NIBAN2: variants seen among roughly 807,000 people sequenced by gnomAD.
The protein encoded by NIBAN2 is niban apoptosis regulator 2, also known as protein Niban 2.
In NIBAN2, 36 loss-of-function variants were observed where a neutral mutation model predicts 81.8. That is an observed-to-expected ratio of 0.44 (90% CI 0.34 to 0.58). NIBAN2 has a LOEUF of 0.58. Ranked by LOEUF, NIBAN2 falls within the 20% of genes least tolerant of loss-of-function variation. The pLI, the probability that NIBAN2 is intolerant of heterozygous loss-of-function variation, is 0.02. For synonymous variants in NIBAN2, 445 were observed against 441.6 expected (o/e 1.01, Z -0.10); for missense variants, 897 against 1,014.1 (o/e 0.88, Z 1.57).
At chr9:127,567,920 G>T (rs966213501) in intron 1 of NIBAN2, among the ~76,000 whole-genome samples, 3 of 152,166 alleles carry the variant, frequency 2.0e-5, no homozygotes, top group African/African-American at 7.2e-5. Flanking sequence ...CAAATGCTGG[G>T]ATTCCACCCA....
chr9:127,533,142 A>C (rs1408781951), intron 1 of NIBAN2, among the ~76,000 whole-genome samples: 1 of 151,984 alleles, frequency 6.6e-6, no homozygotes, highest in Non-Finnish European at 1.5e-5. Context: ...TGGGTGACAG[A>C]GCAAGACTCT....
rs189744840 is a variant in NIBAN2, at chr9:127,567,645, C to T, written c.55+1175G>A. ...TCAGGGCTTCCTGCTCTCAAGGGAG[C>T]GTGGAGAACACGGTGGTGAAATTCT... On this transcript the variant is annotated intron_variant, in intron 1 of 13. Coordinates refer to ENST00000373312, the MANE Select transcript of NIBAN2 (RefSeq NM_022833.4). Among the ~76,000 whole-genome samples the T allele has an allele frequency of 1.6e-3, 243 of 152,248 alleles. 1 individual carries two copies. The highest frequency in any genetic ancestry group is 2.6e-4 in the Non-Finnish European group (18 of 68,014).
Position 127,505,355 on chromosome 9 carries a change from G to C in NIBAN2, c.*1490C>G, listed in dbSNP as rs766454075. The C allele has an allele frequency of 1.3e-5, 2 of 152,616 alleles. No individual in the cohort carries two copies. Among genetic ancestry groups the C allele is most frequent in the East Asian group, 3.8e-4 (2 of 5,200 alleles). 9.5% of individuals were successfully genotyped at this position (152,616 alleles called of 1,614,324 possible). ...CAAGGCAACTGGCTTTAAATAAAGC[G>C]TTTATTGATTAGTAGAAGCATGAAC... On this transcript the variant is annotated 3_prime_UTR_variant, in exon 14 of 14. Coordinates refer to ENST00000373312, the MANE Select transcript of NIBAN2 (RefSeq NM_022833.4).
intron 1 of NIBAN2, 30 bp downstream of exon 1, chr9:127,568,790 T>G (rs1837903607): frequency 7.8e-7 from 1 of 1,287,262 alleles, no homozygotes. Flanking sequence ...GGCAGGCCCC[T>G]GGGCGCGCGT....
At chr9:127,541,893 C>A (rs12376895) in intron 1 of NIBAN2, among the ~76,000 whole-genome samples, 75 of 152,244 alleles carry the variant, frequency 4.9e-4, no homozygotes, top group Non-Finnish European at 9.3e-4. Flanking sequence ...TCCCACCCCA[C>A]CACTACCTGC....
At chr9:127,521,023 G>A (rs946463229) in intron 5 of NIBAN2, among the ~76,000 whole-genome samples, 4 of 152,218 alleles carry the variant, frequency 2.6e-5, no homozygotes, top group Non-Finnish European at 5.9e-5. Context: ...GAGAGGTCTC[G>A]GAGAAACCAG....
intron 1 of NIBAN2, among the ~76,000 whole-genome samples, chr9:127,553,074 A>T (rs1837607747): frequency 6.6e-6 from 1 of 152,198 alleles, no homozygotes; most frequent in Non-Finnish European, 1.5e-5. Flanking sequence ...TGTATCAGGA[A>T]GGTGCCTGAA....
chr9:127,525,328 T>C (rs1427152775), intron 3 of NIBAN2, among the ~76,000 whole-genome samples, 165 bp from the exon 4 acceptor site: 1 of 152,058 alleles, frequency 6.6e-6, no homozygotes, highest in East Asian at 1.9e-4. Context: ...TCATGGTGAT[T>C]GGGGCAGTGT....
rs779538130 is a variant in NIBAN2 at position 127,506,862 on chromosome 9, C to A, written c.2224G>T (p.Val742Leu). 1 of 1,611,340 alleles carries A rather than the reference C, an allele frequency of 6.2e-7. No individual in the cohort carries two copies. Among genetic ancestry groups the A allele is most frequent in the Admixed American group, 1.7e-5 (1 of 59,712 alleles). Residue 742 changes from valine to leucine, a missense_variant, in exon 14 of 14, where the codon GTG becomes TTG. By Grantham distance (32) the Val-to-Leu change is conservative. This residue lies in a region of NIBAN2 where 619 missense variants were observed against 691.0 expected (regional missense o/e 0.90). Coordinates refer to ENST00000373312, the MANE Select transcript of NIBAN2 (RefSeq NM_022833.4). ...CCACTGGCCTAGAACTCAGTCTGCA[C>A]CCCTGCACTGTCCTCGGTGGTGGTG... ...LHTTTEDSAG[V>L]QTEF
At chr9:127,576,185 T>C (rs1332716977) in intron 1 of NIBAN2, among the ~76,000 whole-genome samples, 2 of 152,102 alleles carry the variant, frequency 1.3e-5, no homozygotes, top group African/African-American at 4.8e-5. Flanking sequence ...AACGTGACAG[T>C]GAGGGACCCA....
chr9:127,527,124 C>T (rs573654209), intron 3 of NIBAN2, 70 bp downstream of exon 3: 58 of 1,587,116 alleles, frequency 3.7e-5, no homozygotes, highest in East Asian at 4.5e-5. Flanking sequence ...CCTAAGTTTC[C>T]GAGTTGGGGG....
intron 5 of NIBAN2, among the ~76,000 whole-genome samples, chr9:127,520,970 C>T (rs1836930427): frequency 6.6e-6 from 1 of 152,152 alleles, no homozygotes; most frequent in African/African-American, 2.4e-5. Flanking sequence ...AGGCATGACC[C>T]TGTGAGGACT....
At position 127,506,969 on chromosome 9, in the gene NIBAN2, G is replaced by A. The variant is rs1564291375; in HGVS notation, c.2117C>T (p.Ala706Val). 1.2e-6 allele frequency: 2 copies of A among 1,603,424 alleles called. No homozygotes were observed. The highest frequency in any genetic ancestry group is 2.7e-5 in the African/African-American group (2 of 74,746). Residue 706 changes from alanine (A) to valine (V), a missense_variant, in exon 14 of 14, where the codon GCT becomes GTT. This residue lies in a region of NIBAN2 where 619 missense variants were observed against 691.0 expected (regional missense o/e 0.90). Coordinates refer to ENST00000373312, the MANE Select transcript of NIBAN2 (RefSeq NM_022833.4). ...SPLQHLLPGK[A>V]VDLGPPKPSD... ...GGGCTTGGGGGGCCCAAGGTCCACA[G>A]CCTTTCCAGGCAGGAGATGCTGGAG...
chr9:127,554,685 C>A (rs191144461), intron 1 of NIBAN2, among the ~76,000 whole-genome samples: 1 of 151,278 alleles, frequency 6.6e-6, no homozygotes, highest in Admixed American at 6.6e-5. Context: ...CTCAGCCTCT[C>A]GAGTAGCTGG....
rs117142638 is a variant in NIBAN2, at chr9:127,515,238, C to T, written c.973+1619G>A. ...TCTGTCTCTTAAAAAACAGGCCGGGCGGCCAGGCGCGGTGGCTCACGCCTA... is the reference window on the plus strand; with the variant it reads ...TCTGTCTCTTAAAAAACAGGCCGGGTGGCCAGGCGCGGTGGCTCACGCCTA... On this transcript the variant is annotated intron_variant, in intron 8 of 13. Coordinates refer to ENST00000373312, the MANE Select transcript of NIBAN2 (RefSeq NM_022833.4). Among the ~76,000 whole-genome samples the T allele has an allele frequency of 2.3e-3, 343 of 151,790 alleles. 3 individuals are homozygous for T. The East Asian group carries it at 0.043, about 19-fold the overall frequency.
At chr9:127,564,538 A>C (rs984758790) in intron 1 of NIBAN2, among the ~76,000 whole-genome samples, 1 of 152,148 alleles carries the variant, frequency 6.6e-6, no homozygotes, top group African/African-American at 2.4e-5. Flanking sequence ...CCACCAATTT[A>C]CCAAGTGAAA....
chr9:127,537,308 T>C (rs879600112), intron 1 of NIBAN2, among the ~76,000 whole-genome samples: 2 of 152,324 alleles, frequency 1.3e-5, no homozygotes, highest in Middle Eastern at 3.4e-3. Context: ...GCGTTTGAGG[T>C]GCTCAGCTCC....
At chr9:127,578,894 G>A (rs1838041446) in intron 1 of NIBAN2, 3 of 1,607,044 alleles carry the variant, frequency 1.9e-6, no homozygotes, top group African/African-American at 1.3e-5. Context: ...TGTGCCTTGT[G>A]TCCTGGGGAC....
intron 1 of NIBAN2, among the ~76,000 whole-genome samples, chr9:127,537,846 C>T (rs1459278007): frequency 6.6e-6 from 1 of 152,204 alleles, no homozygotes; most frequent in Non-Finnish European, 1.5e-5. Context: ...TGCCGAGGCC[C>T]CTCACAGAGG....
Sources: gnomAD v4.1 joint callset for allele counts (sites outside exome capture counted in the v4.1 genomes callset) on GRCh38, gnomAD v4.1.1 for gene constraint, gnomAD v4.1.1 regional missense constraint, MANE v1.5 for transcripts, NCBI Gene and HGNC (gene_info 2026-07-23, HGNC 2026-07-21) for gene names.